WDR89: variants seen among roughly 807,000 people sequenced by gnomAD.
WDR89 encodes the protein WD repeat domain 89, also known as WD repeat-containing protein 89.
A neutral mutation model predicts 29.1 loss-of-function variants in WDR89; 17 were observed. The observed-to-expected ratio is 0.58, with a 90% confidence interval of 0.40 to 0.88. The LOEUF (loss-of-function observed/expected upper bound fraction) is 0.88. Among genes scored for constraint, WDR89 ranks in the 40% least tolerant of loss-of-function variants. WDR89 has a pLI of 0.00. For missense variants in WDR89, 396 were observed against 456.3 expected, an observed-to-expected ratio of 0.87 and a Z score of 1.20; for synonymous variants, 138 against 157.8, an observed-to-expected ratio of 0.87 and a Z score of 0.94.
intron 2 of WDR89, among the ~76,000 whole-genome samples, chr14:63,604,548 G>C (rs1895221903): frequency 6.6e-6 from 1 of 152,116 alleles, no homozygotes; most frequent in African/African-American, 2.4e-5. Flanking sequence ...TACTGTATCT[G>C]CCTCAGTTTA....
At chr14:63,618,402 G>C (rs1882453471) in intron 2 of WDR89, among the ~76,000 whole-genome samples, 3 of 152,114 alleles carry the variant, frequency 2.0e-5, no homozygotes, top group Non-Finnish European at 4.4e-5. Context: ...CAATCTGCCT[G>C]CCTCAGCCTC....
rs1047863283 is a variant in WDR89, at chr14:63,613,963, T to G, written c.-32+10965A>C. The stretch of plus-strand genomic sequence containing the variant: ...CACGCCCAGCCTATTACTGAAATTT[T>G]AATGATGATGACAACCTCATGACAA... On this transcript the variant is annotated intron_variant, in intron 2 of 2. Coordinates refer to ENST00000620954, the MANE Select transcript of WDR89 (RefSeq NM_080666.4). 2.6e-5 allele frequency among the ~76,000 whole-genome samples: 4 copies of G among 152,186 alleles called. No homozygotes were observed. The East Asian group carries it at 7.7e-4, about 29-fold the overall frequency.
intron 2 of WDR89, among the ~76,000 whole-genome samples, chr14:63,600,717 C>CAAAAAAAAAAAAAAAAA (rs56059698): frequency 1.9e-4 from 7 of 36,206 alleles, no homozygotes; most frequent in African/African-American, 4.1e-4. Flanking sequence ...GATATGTAGG[C>CAAAAAAAAAAAAAAAAA]AAAAAAAAAA....
intron 2 of WDR89, among the ~76,000 whole-genome samples, chr14:63,622,997 C>T (rs1335159405): frequency 2.0e-5 from 3 of 150,788 alleles, no homozygotes; most frequent in South Asian, 2.1e-4. Flanking sequence ...CCTAGGAGTT[C>T]GAGACCAGCT....
At chr14:63,628,180 C>G (rs888273865) in intron 1 of WDR89, among the ~76,000 whole-genome samples, 1 of 152,076 alleles carries the variant, frequency 6.6e-6, no homozygotes, top group Non-Finnish European at 1.5e-5. Context: ...CGAGGCTATG[C>G]GATCAATCAG....
intron 1 of WDR89, among the ~76,000 whole-genome samples, chr14:63,625,906 A>T (rs1404351738): frequency 6.7e-6 from 1 of 150,366 alleles, no homozygotes; most frequent in Non-Finnish European, 1.5e-5. Flanking sequence ...CAGGCTCGAG[A>T]GCAGCAGCGT....
intron 2 of WDR89, among the ~76,000 whole-genome samples, chr14:63,600,543 TAAGAG>T (rs1895011744): frequency 6.6e-6 from 1 of 151,236 alleles, no homozygotes. Context: ...TTTATGCTAG[TAAGAG>T]AATAAAAAAC....
intron 2 of WDR89, chr14:63,621,933 A>C (rs1882717976): frequency 6.6e-6 from 1 of 152,206 alleles, no homozygotes; most frequent in South Asian, 2.1e-4. Context: ...TGCCAGCAAA[A>C]CTGTTGCTGT....
chr14:63,622,104 T>C (rs1009552240), intron 2 of WDR89, among the ~76,000 whole-genome samples: 5 of 152,202 alleles, frequency 3.3e-5, no homozygotes, highest in African/African-American at 1.2e-4. Flanking sequence ...AAGTAAAAAC[T>C]AGTAATAACA....
At chr14:63,637,204 AC>A (rs1353922485) in intron 1 of WDR89, among the ~76,000 whole-genome samples, 1 of 152,216 alleles carries the variant, frequency 6.6e-6, no homozygotes, top group African/African-American at 2.4e-5. Context: ...AATCGAAACC[AC>A]AATGTGATAC....
chr14:63,619,391 T>C (rs1405328441), intron 2 of WDR89, among the ~76,000 whole-genome samples: 1 of 152,108 alleles, frequency 6.6e-6, no homozygotes, highest in Non-Finnish European at 1.5e-5. Flanking sequence ...TTTAGCTTAG[T>C]CTCTACTATT....
intron 2 of WDR89, among the ~76,000 whole-genome samples, chr14:63,623,890 A>G: frequency 6.6e-6 from 1 of 152,134 alleles, no homozygotes; most frequent in Middle Eastern, 3.4e-3. Context: ...AGATAGGTTA[A>G]AAGGAAATGG....
At chr14:63,605,166 CTA>C (rs112149490) in intron 2 of WDR89, among the ~76,000 whole-genome samples, 14,694 of 143,582 alleles carry the variant, frequency 0.1, 1,612 homozygotes, top group African/African-American at 0.3. Flanking sequence ...CTCTCTCTCT[CTA>C]TATATATATA....
intron 2 of WDR89, among the ~76,000 whole-genome samples, chr14:63,615,133 T>C (rs1289071650): frequency 6.6e-6 from 1 of 152,190 alleles, no homozygotes; most frequent in Admixed American, 6.5e-5. Context: ...AGCATCTTTT[T>C]AAAAACAAAA....
chr14:63,598,749 A>G lies in WDR89; in HGVS notation c.*30T>C, dbSNP rs1261145033. The G allele has an allele frequency of 6.5e-7, 1 of 1,533,790 alleles. No individual in the cohort carries two copies. Among genetic ancestry groups the G allele is most frequent in the Non-Finnish European group, 8.7e-7 (1 of 1,142,866 alleles). The stretch of plus-strand genomic sequence containing the variant: ...CAAGAAGGACTATTTGAAACTATAA[A>G]ACCTACCAAACAAAGTGCCAAATGC... On this transcript the variant is annotated 3_prime_UTR_variant, in exon 3 of 3. Coordinates refer to ENST00000620954, the MANE Select transcript of WDR89 (RefSeq NM_080666.4).
intron 1 of WDR89, among the ~76,000 whole-genome samples, chr14:63,633,889 T>A (rs12589921): frequency 6.6e-6 from 1 of 152,224 alleles, no homozygotes; most frequent in Non-Finnish European, 1.5e-5. Context: ...CTGAAAATCA[T>A]GTACGGTCAG....
intron 2 of WDR89, among the ~76,000 whole-genome samples, chr14:63,605,073 C>T (rs573918340): frequency 2.6e-5 from 4 of 152,136 alleles, no homozygotes; most frequent in East Asian, 3.9e-4. Context: ...TGCTTGAGCC[C>T]GGGAGGCTGA....
At chr14:63,620,207 C>T (rs1251457582) in intron 2 of WDR89, among the ~76,000 whole-genome samples, 1 of 152,042 alleles carries the variant, frequency 6.6e-6, no homozygotes, top group African/African-American at 2.4e-5. Flanking sequence ...ATCCCAGCTA[C>T]TCGGGTACAC....
chr14:63,618,619 G>A (rs1448183751), intron 2 of WDR89, among the ~76,000 whole-genome samples: 1 of 151,736 alleles, frequency 6.6e-6, no homozygotes, highest in Non-Finnish European at 1.5e-5. Flanking sequence ...TGAAATCAGA[G>A]GATTGATCAA....
Sources: gnomAD v4.1 joint callset for allele counts (sites outside exome capture counted in the v4.1 genomes callset) on GRCh38, gnomAD v4.1.1 for gene constraint, MANE v1.5 for transcripts, NCBI Gene and HGNC (gene_info 2026-07-23, HGNC 2026-07-21) for gene names.